Variants in NPSR1 observed in about 807,000 individuals in gnomAD.
NPSR1 encodes the protein neuropeptide S receptor 1, also known as neuropeptide S receptor.
Under a neutral mutation model 46.9 loss-of-function variants are expected in NPSR1, and 48 were observed. The ratio of observed to expected loss-of-function variants is 1.02; its 90% CI spans 0.81 to 1.30. The LOEUF is 1.30. Ranked by LOEUF, NPSR1 falls within the 50% of genes most tolerant of loss-of-function variation. NPSR1 has a pLI of 0.00. For synonymous variants in NPSR1, 176 were observed against 168.1 expected (o/e 1.05, Z -0.36); for missense variants, 450 against 449.5 (o/e 1.00, Z -0.01).
chr7:34,737,789 GC>G (rs1171040578), intron 2 of NPSR1, among the ~76,000 whole-genome samples: 1 of 152,066 alleles, frequency 6.6e-6, no homozygotes, highest in Non-Finnish European at 1.5e-5. Context: ...TCAGATCAAT[GC>G]TTGGATCTTC....
At chr7:34,690,765 T>C (rs1793209244) in intron 2 of NPSR1, among the ~76,000 whole-genome samples, 2 of 152,166 alleles carry the variant, frequency 1.3e-5, no homozygotes, top group African/African-American at 2.4e-5. Flanking sequence ...TTTATAGGTA[T>C]TTCAAAGGGT....
chr7:34,749,191 T>G (rs548336688), intron 2 of NPSR1, among the ~76,000 whole-genome samples: 1 of 152,144 alleles, frequency 6.6e-6, no homozygotes, highest in African/African-American at 2.4e-5. Context: ...CTCAGTTTGA[T>G]GTTGTACCCC....
At chr7:34,722,168 T>C (rs569089266) in intron 2 of NPSR1, among the ~76,000 whole-genome samples, 12 of 152,270 alleles carry the variant, frequency 7.9e-5, no homozygotes, top group Middle Eastern at 3.4e-3. Flanking sequence ...GAGGGTGTAA[T>C]TTGCAATATT....
chr7:34,819,987 G>A (rs561611842), intron 4 of NPSR1, among the ~76,000 whole-genome samples: 91 of 152,278 alleles, frequency 6.0e-4, no homozygotes, highest in Middle Eastern at 3.4e-3. Context: ...AAGTTGATGG[G>A]TGCAGCAAAC....
At chr7:34,847,336 G>A (rs917039447) in intron 7 of NPSR1, among the ~76,000 whole-genome samples, 2 of 152,082 alleles carry the variant, frequency 1.3e-5, no homozygotes, top group African/African-American at 2.4e-5. Flanking sequence ...TGAGAGATGC[G>A]TGTATTTCCA....
chr7:34,801,642 C>G (rs575303876), intron 3 of NPSR1, among the ~76,000 whole-genome samples: 1 of 144,944 alleles, frequency 6.9e-6, no homozygotes, highest in African/African-American at 2.8e-5. Context: ...GGAAGCATTC[C>G]CTTTGAAAAC....
At chr7:34,663,289 C>A (rs1791567470) in intron 1 of NPSR1, among the ~76,000 whole-genome samples, 1 of 152,106 alleles carries the variant, frequency 6.6e-6, no homozygotes, top group Non-Finnish European at 1.5e-5. Flanking sequence ...CCCTTGGCCA[C>A]ATTCTCTCCT....
intron 2 of NPSR1, among the ~76,000 whole-genome samples, chr7:34,759,548 T>C (rs553195609): frequency 6.6e-6 from 1 of 152,320 alleles, no homozygotes; most frequent in Non-Finnish European, 1.5e-5. Context: ...CACAACATGA[T>C]GTTCCAGGCT....
chr7:34,719,196 G>A (rs1024933492), intron 2 of NPSR1: 1 of 152,312 alleles, frequency 6.6e-6, no homozygotes, highest in African/African-American at 2.4e-5. Flanking sequence ...GCCTGTAGGA[G>A]GATTAATAGA....
rs1236395467 is a variant in NPSR1, at chr7:34,823,403, A to AAG, written c.479-3997_479-3996insGA. On this transcript the variant is annotated intron_variant, in intron 4 of 8. Transcript: ENST00000360581. ...CAACAGAGCAAGACTTCACCAGAAAAAAAAAAAAAAAAACAACACCATAAA... is the reference window on the plus strand; with the variant it reads ...CAACAGAGCAAGACTTCACCAGAAAAAGAAAAAAAAAAAAACAACACCATAAA... Among the ~76,000 whole-genome samples the AAG allele has an allele frequency of 1.2e-3, 172 of 145,014 alleles. 6 individuals carry two copies. Among genetic ancestry groups the AAG allele is most frequent in the African/African-American group, 4.6e-3 (167 of 36,670 alleles).
rs1482216160 is a variant in NPSR1, at chr7:34,681,141, A to G, written c.148-3411A>G. On this transcript the variant is annotated intron_variant, in intron 1 of 8. Coordinates refer to ENST00000360581, the MANE Select transcript of NPSR1 (RefSeq NM_207172.2). ...GGACCCTTTCAGCTCTTCATTCTGT[A>G]GGCTCAAGTTCTGCCCTGCCTCCAT... Among the ~76,000 whole-genome samples the G allele has an allele frequency of 2.0e-5, 3 of 152,046 alleles. No individual in the cohort carries two copies. The East Asian group carries it at 5.8e-4, about 29-fold the overall frequency.
intron 4 of NPSR1, among the ~76,000 whole-genome samples, chr7:34,824,588 G>C (rs1314529381): frequency 6.6e-6 from 1 of 152,118 alleles, no homozygotes; most frequent in Admixed American, 6.5e-5. Context: ...CCTATACCCT[G>C]CTGGGCCTTT....
chr7:34,797,106 TG>T (rs1788207812), intron 3 of NPSR1, among the ~76,000 whole-genome samples: 1 of 152,162 alleles, frequency 6.6e-6, no homozygotes, highest in African/African-American at 2.4e-5. Flanking sequence ...AGCTACATAC[TG>T]TAGATTCCAA....
At chr7:34,791,203 T>G (rs1450130632) in intron 3 of NPSR1, among the ~76,000 whole-genome samples, 2 of 72,324 alleles carry the variant, frequency 2.8e-5, no homozygotes, top group South Asian at 4.0e-4. Flanking sequence ...TGTTATATAT[T>G]ATATTATATA....
chr7:34,757,385 A>T (rs1785919677), intron 2 of NPSR1, among the ~76,000 whole-genome samples: 1 of 152,170 alleles, frequency 6.6e-6, no homozygotes, highest in Admixed American at 6.5e-5. Flanking sequence ...ACTTATTCAA[A>T]ACATTGCATT....
At chr7:34,875,789 A>G (rs375189588) in intron 8 of NPSR1, among the ~76,000 whole-genome samples, 2 of 152,094 alleles carry the variant, frequency 1.3e-5, no homozygotes, top group Admixed American at 6.5e-5. Flanking sequence ...AAGAAGCACA[A>G]TGACCCTTTA....
intron 1 of NPSR1, among the ~76,000 whole-genome samples, chr7:34,682,239 T>G (rs1183067816): frequency 1.3e-5 from 2 of 152,140 alleles, no homozygotes; most frequent in African/African-American, 4.8e-5. Flanking sequence ...CCAGAACCTG[T>G]GTCACAGCAC....
At chr7:34,669,837 C>T (rs901033695) in intron 1 of NPSR1, among the ~76,000 whole-genome samples, 3 of 152,160 alleles carry the variant, frequency 2.0e-5, no homozygotes, top group Non-Finnish European at 4.4e-5. Context: ...ACAAGAACTG[C>T]AATCTCTAAC....
chr7:34,701,891 A>C (rs1009804985), intron 2 of NPSR1, among the ~76,000 whole-genome samples: 7 of 152,212 alleles, frequency 4.6e-5, no homozygotes, highest in African/African-American at 1.7e-4. Flanking sequence ...TTTGAAGAAC[A>C]TTTTTACTTC....
Sources: gnomAD v4.1 joint callset for allele counts (sites outside exome capture counted in the v4.1 genomes callset) on GRCh38, gnomAD v4.1.1 for gene constraint, MANE v1.5 for transcripts, NCBI Gene and HGNC (gene_info 2026-07-23, HGNC 2026-07-21) for gene names.